The following TMEM117 variants were observed in gnomAD, a reference collection of about 807,000 sequenced individuals.
TMEM117 encodes transmembrane protein 117.
Under a neutral mutation model 52.4 loss-of-function variants are expected in TMEM117, and 27 were observed. The ratio of observed to expected loss-of-function variants is 0.51; its 90% CI spans 0.38 to 0.71. The LOEUF (loss-of-function observed/expected upper bound fraction) is 0.71, where lower values mean the gene tolerates loss of function less well. Ranked by LOEUF, TMEM117 falls within the 30% of genes least tolerant of loss-of-function variation. The probability of loss-of-function intolerance (pLI) is 0.00; values close to 1 mark genes in which losing one functional copy is unlikely to be tolerated. For synonymous variants in TMEM117, 215 were observed against 206.3 expected, an observed-to-expected ratio of 1.04 and a Z score of -0.36; for missense variants, 556 against 630.5, an observed-to-expected ratio of 0.88 and a Z score of 1.26.
chr12:44,072,907 T>C (rs1295590522), intron 3 of TMEM117, among the ~76,000 whole-genome samples: 2 of 152,126 alleles, frequency 1.3e-5, no homozygotes, highest in African/African-American at 4.8e-5. Flanking sequence ...CTGGCCAACA[T>C]GGTGAAACCC....
At chr12:44,245,735 T>C (rs115786017) in intron 5 of TMEM117, among the ~76,000 whole-genome samples, 1,744 of 152,100 alleles carry the variant, frequency 0.011, 22 homozygotes, top group South Asian at 0.052. Flanking sequence ...ACTAACAAAA[T>C]GCTGCTGAGA....
intron 4 of TMEM117, among the ~76,000 whole-genome samples, chr12:44,168,752 G>A (rs1184553388): frequency 6.8e-6 from 1 of 148,104 alleles, no homozygotes; most frequent in Non-Finnish European, 1.5e-5. Flanking sequence ...TAAGTGTAGA[G>A]TCTGGTGACG....
At chr12:44,148,165 G>A (rs1948672001) in intron 4 of TMEM117, among the ~76,000 whole-genome samples, 1 of 152,162 alleles carries the variant, frequency 6.6e-6, no homozygotes, top group Non-Finnish European at 1.5e-5. Flanking sequence ...ACATAAAACA[G>A]GAAAAAGTCA....
intron 3 of TMEM117, among the ~76,000 whole-genome samples, chr12:43,983,761 G>GA (rs1051148536): frequency 2.6e-5 from 4 of 151,360 alleles, no homozygotes; most frequent in Non-Finnish European, 4.4e-5. Context: ...AACTCAGAGT[G>GA]AAAAAAACTG....
chr12:43,809,195 T>TA, the TMEM117 span, among the ~76,000 whole-genome samples: 3 of 152,306 alleles, frequency 2.0e-5, no homozygotes, highest in Non-Finnish European at 4.4e-5. Flanking sequence ...CACAGGAAAC[T>TA]AAAAAAATCA....
At chr12:44,125,466 A>AT (rs1422127031) in intron 3 of TMEM117, among the ~76,000 whole-genome samples, 2 of 151,790 alleles carry the variant, frequency 1.3e-5, no homozygotes, top group Admixed American at 6.6e-5. Flanking sequence ...GAATTTATCC[A>AT]TTTTTTTCCT....
chr12:44,355,314 G>A (rs1951631608), intron 6 of TMEM117, among the ~76,000 whole-genome samples: 1 of 152,030 alleles, frequency 6.6e-6, no homozygotes, highest in South Asian at 2.1e-4. Flanking sequence ...AAATGTCTGA[G>A]AGATAGCATT....
chr12:44,318,607 C>T (rs991960758), intron 6 of TMEM117, among the ~76,000 whole-genome samples: 1 of 152,120 alleles, frequency 6.6e-6, no homozygotes, highest in Non-Finnish European at 1.5e-5. Context: ...GGTGGGGTGG[C>T]TCAGGCTGGT....
intron 3 of TMEM117, among the ~76,000 whole-genome samples, chr12:44,137,657 C>T (rs569819075): frequency 4.6e-5 from 7 of 152,144 alleles, no homozygotes; most frequent in South Asian, 2.1e-4. Flanking sequence ...ACGTGGATGG[C>T]GGCCAGCAAA....
Position 43,912,537 on chromosome 12 carries a change from G to A in TMEM117, c.278-31673G>A, listed in dbSNP as rs867654121. ...TATATATATATATATATATATATAT[G>A]GCAGAATGAAAGCTCCATGTGGGCA... is the stretch of plus-strand genomic sequence containing the variant. On this transcript the variant is annotated intron_variant, in intron 2 of 7. Coordinates refer to ENST00000266534, the MANE Select transcript of TMEM117 (RefSeq NM_032256.3). Among the ~76,000 whole-genome samples the A allele has an allele frequency of 9.6e-3, 1,004 of 104,748 alleles. 44 individuals carry two copies. Among genetic ancestry groups the A allele is most frequent in the African/African-American group, 0.07 (909 of 12,964 alleles). The allele number at this position is 104,748 out of a possible 152,430, so 68.7% of individuals were successfully genotyped here.
chr12:43,869,932 C>G (rs966260900), intron 2 of TMEM117, among the ~76,000 whole-genome samples: 1 of 152,124 alleles, frequency 6.6e-6, no homozygotes, highest in Non-Finnish European at 1.5e-5. Flanking sequence ...CCCCCATACT[C>G]TCCTACAGGC....
chr12:43,918,830 A>G (rs1266926317), intron 2 of TMEM117, among the ~76,000 whole-genome samples: 1 of 152,272 alleles, frequency 6.6e-6, no homozygotes, highest in Non-Finnish European at 1.5e-5. Flanking sequence ...TCAATTGACC[A>G]TCACATACCA....
chr12:43,882,814 T>G (rs183343804), intron 2 of TMEM117, among the ~76,000 whole-genome samples: 3 of 152,304 alleles, frequency 2.0e-5, no homozygotes, highest in Admixed American at 6.5e-5. Flanking sequence ...ATGTAGACTT[T>G]AAGATTCTGG....
intron 2 of TMEM117, among the ~76,000 whole-genome samples, chr12:43,912,310 A>G (rs954131475): frequency 1.4e-4 from 21 of 147,410 alleles, no homozygotes; most frequent in Admixed American, 6.2e-4. Context: ...GAACACATGG[A>G]CACAGGAAGG....
chr12:43,887,378 AT>A (rs1944015975), intron 2 of TMEM117, among the ~76,000 whole-genome samples: 1 of 152,214 alleles, frequency 6.6e-6, no homozygotes, highest in Admixed American at 6.5e-5. Flanking sequence ...GTTTTGTGCA[AT>A]GTACACAAAA....
At chr12:44,227,798 AGTT>A (rs1949882429) in intron 5 of TMEM117, among the ~76,000 whole-genome samples, 1 of 152,240 alleles carries the variant, frequency 6.6e-6, no homozygotes, top group East Asian at 1.9e-4. Flanking sequence ...ATGGCACTGT[AGTT>A]GTTTATTTCA....
chr12:44,250,931 C>T (rs1950189815), intron 5 of TMEM117, among the ~76,000 whole-genome samples: 1 of 152,080 alleles, frequency 6.6e-6, no homozygotes, highest in Non-Finnish European at 1.5e-5. Flanking sequence ...GTGCAGCAAA[C>T]CACCATGGCA....
chr12:44,275,403 T>C (rs1592657910), intron 5 of TMEM117, among the ~76,000 whole-genome samples: 1 of 152,184 alleles, frequency 6.6e-6, no homozygotes, highest in East Asian at 1.9e-4. Flanking sequence ...TTCAGAAAAC[T>C]AAAAATAGAG....
chr12:44,024,899 A>G (rs766907598), intron 3 of TMEM117, among the ~76,000 whole-genome samples: 7 of 151,680 alleles, frequency 4.6e-5, no homozygotes, highest in Non-Finnish European at 1.0e-4. Flanking sequence ...CATACATATA[A>G]GTACATATAC....
Sources: gnomAD v4.1 joint callset for allele counts (sites outside exome capture counted in the v4.1 genomes callset) on GRCh38, gnomAD v4.1.1 for gene constraint, MANE v1.5 for transcripts, NCBI Gene and HGNC (gene_info 2026-07-23, HGNC 2026-07-21) for gene names.